The following CNRIP1 variants were observed in gnomAD, a reference collection of about 807,000 sequenced individuals.
The protein encoded by CNRIP1 is CB1 cannabinoid receptor-interacting protein 1.
Under a neutral mutation model 15.2 loss-of-function variants are expected in CNRIP1, and 10 were observed. The ratio of observed to expected loss-of-function variants is 0.66; its 90% CI spans 0.41 to 1.12. CNRIP1 has a LOEUF of 1.12. Ranked by LOEUF, CNRIP1 falls within the 50% of genes most tolerant of loss-of-function variation. The probability of loss-of-function intolerance (pLI) is 0.00; values close to 1 mark genes in which losing one functional copy is unlikely to be tolerated. For synonymous variants in CNRIP1, 91 were observed against 83.2 expected, an observed-to-expected ratio of 1.09 and a Z score of -0.51; for missense variants, 211 against 214.7, an observed-to-expected ratio of 0.98 and a Z score of 0.11.
chr2:68,285,420 G>C (rs1276634551), intron 2 of CNRIP1, among the ~76,000 whole-genome samples: 1 of 152,122 alleles, frequency 6.6e-6, no homozygotes, highest in African/African-American at 2.4e-5. Context: ...CAGAGACAAT[G>C]GTAAATGTGG....
In CNRIP1 at chr2:68,306,124, C is replaced by CAAAAAAAAAAAAAAAAAAA. The variant is rs61586261; in HGVS notation, c.330+11014_330+11032dup. 2.1e-3 allele frequency among the ~76,000 whole-genome samples: 53 copies of CAAAAAAAAAAAAAAAAAAA among 25,340 alleles called. 7 individuals are homozygous for CAAAAAAAAAAAAAAAAAAA. The highest frequency in any genetic ancestry group is 2.9e-3 in the South Asian group (1 of 340). 16.6% of individuals were successfully genotyped at this position (25,340 alleles called of 152,430 possible). ...CTGGGCAGCAGAGACCCCACCTCTACAAAAAAAAAAAAAAAAAAAAAAAAA... is the reference window on the plus strand; with the variant it reads ...CTGGGCAGCAGAGACCCCACCTCTACAAAAAAAAAAAAAAAAAAAAAAAAAAAAAAAAAAAAAAAAAAAA... On this transcript the variant is annotated intron_variant, in intron 2 of 2. Coordinates refer to ENST00000263655, the MANE Select transcript of CNRIP1 (RefSeq NM_015463.3).
At chr2:68,311,761 T>C (rs182302454) in intron 2 of CNRIP1, among the ~76,000 whole-genome samples, 144 of 114,148 alleles carry the variant, frequency 1.3e-3, no homozygotes, top group Admixed American at 2.0e-3. Flanking sequence ...AGAGACAGAG[T>C]GAGACTCCAT....
intron 2 of CNRIP1, among the ~76,000 whole-genome samples, chr2:68,286,113 A>G (rs968603599): frequency 6.6e-6 from 1 of 152,208 alleles, no homozygotes; most frequent in Admixed American, 6.5e-5. Context: ...AGCAGTAGCT[A>G]TCTAGCCCAC....
intron 2 of CNRIP1, among the ~76,000 whole-genome samples, chr2:68,285,584 G>T (rs1440627575): frequency 2.0e-5 from 3 of 149,958 alleles, no homozygotes; most frequent in East Asian, 4.0e-4. Context: ...AGACTGGGAG[G>T]TTGAGGCTGC....
chr2:68,316,259 G>C (rs1254852290), intron 2 of CNRIP1: 1 of 152,144 alleles, frequency 6.6e-6, no homozygotes, highest in Non-Finnish European at 1.5e-5. Context: ...ACTGAGCTAA[G>C]ATCACTGGAG....
At chr2:68,310,236 G>A (rs550996689) in intron 2 of CNRIP1, among the ~76,000 whole-genome samples, 2 of 152,346 alleles carry the variant, frequency 1.3e-5, no homozygotes, top group South Asian at 4.1e-4. Flanking sequence ...GCTGAGGCAG[G>A]AGAATCGCTT....
chr2:68,295,124 A>G (rs1467449407), intron 2 of CNRIP1, among the ~76,000 whole-genome samples: 1 of 152,098 alleles, frequency 6.6e-6, no homozygotes. Context: ...ATGGGAGGGG[A>G]CAGGGACTGA....
chr2:68,294,049 G>A, intron 2 of CNRIP1, 23 bp from the exon 3 acceptor site: 1 of 1,608,900 alleles, frequency 6.2e-7, no homozygotes, highest in East Asian at 2.2e-5. Context: ...AAACATGCCT[G>A]ATAAAAAACC....
At chr2:68,311,695 A>C (rs1332101290) in intron 2 of CNRIP1, among the ~76,000 whole-genome samples, 1 of 151,004 alleles carries the variant, frequency 6.6e-6, no homozygotes, top group African/African-American at 2.4e-5. Context: ...GAATTGCCTG[A>C]ATCTGGGAGG....
At chr2:68,297,283 T>C (rs2103625529) in intron 2 of CNRIP1, among the ~76,000 whole-genome samples, 1 of 152,000 alleles carries the variant, frequency 6.6e-6, no homozygotes, top group East Asian at 1.9e-4. Context: ...GCAAAAACCA[T>C]AGGCTGGGCG....
At chr2:68,292,488 C>T (rs764115142), downstream of CNRIP1, among the ~76,000 whole-genome samples, 3 of 152,188 alleles carry the variant, frequency 2.0e-5, no homozygotes, top group Admixed American at 6.5e-5. Context: ...CAAAAACAAA[C>T]AATCCCCAAC....
intron 2 of CNRIP1, among the ~76,000 whole-genome samples, chr2:68,300,191 T>G (rs568927972): frequency 6.6e-6 from 1 of 152,346 alleles, no homozygotes; most frequent in South Asian, 2.1e-4. Context: ...AAACTTTTCC[T>G]AAGTGATTGT....
At chr2:68,285,693 G>GA (rs113559916) in intron 2 of CNRIP1, among the ~76,000 whole-genome samples, 62 of 136,360 alleles carry the variant, frequency 4.5e-4, no homozygotes, top group African/African-American at 1.5e-3. Flanking sequence ...GAAAAGAAAA[G>GA]AAAGAAAGGC....
downstream of CNRIP1, among the ~76,000 whole-genome samples, chr2:68,288,904 C>T (rs145798800): frequency 2.4e-4 from 36 of 152,218 alleles, no homozygotes; most frequent in East Asian, 6.4e-3. Context: ...AGGAGCTTTA[C>T]GTATGATATA....
intron 1 of CNRIP1, among the ~76,000 whole-genome samples, chr2:68,318,624 T>C (rs1672368815): frequency 6.6e-6 from 1 of 152,182 alleles, no homozygotes; most frequent in African/African-American, 2.4e-5. Context: ...TGGAAAACCG[T>C]GAAACTAGGC....
downstream of CNRIP1, among the ~76,000 whole-genome samples, chr2:68,291,945 C>A (rs930009012): frequency 2.0e-5 from 3 of 149,726 alleles, no homozygotes; most frequent in Non-Finnish European, 4.4e-5. Flanking sequence ...ACCCTCAACA[C>A]AAATACTCAA....
intron 2 of CNRIP1, among the ~76,000 whole-genome samples, chr2:68,305,156 A>G (rs1018584852): frequency 4.6e-5 from 7 of 150,968 alleles, no homozygotes; most frequent in African/African-American, 9.8e-5. Flanking sequence ...AGGCAGGAGA[A>G]TTGCTTGAAC....
At chr2:68,288,383 G>C (rs1397082293), downstream of CNRIP1, among the ~76,000 whole-genome samples, 1 of 152,140 alleles carries the variant, frequency 6.6e-6, no homozygotes, top group Non-Finnish European at 1.5e-5. Flanking sequence ...GAGGGAACAG[G>C]CTGTGCAGTG....
intron 2 of CNRIP1, among the ~76,000 whole-genome samples, chr2:68,304,495 C>T (rs752525630): frequency 6.6e-6 from 1 of 151,996 alleles, no homozygotes; most frequent in Non-Finnish European, 1.5e-5. Context: ...AACTGTAACT[C>T]GTGAATCCAG....
Sources: allele counts gnomAD v4.1 joint callset (sites outside exome capture counted in the v4.1 genomes callset), GRCh38; gene constraint gnomAD v4.1.1; transcripts MANE v1.5; gene names NCBI Gene and HGNC (gene_info 2026-07-23, HGNC 2026-07-21).